The following ZP4 variants were observed in gnomAD, a reference collection of about 807,000 sequenced individuals.
ZP4 encodes the protein zona pellucida glycoprotein 4.
Under a neutral mutation model 62.3 loss-of-function variants are expected in ZP4, and 62 were observed. That is an observed-to-expected ratio of 0.99 (90% confidence interval 0.81 to 1.23). The LOEUF (loss-of-function observed/expected upper bound fraction) is 1.23. ZP4 is among the 50% of genes most tolerant of loss of function. The pLI is 0.00. For missense variants in ZP4, 774 were observed against 656.0 expected, an observed-to-expected ratio of 1.18 and a Z score of -1.97; for synonymous variants, 289 against 247.3, an observed-to-expected ratio of 1.17 and a Z score of -1.58.
At chr1:237,883,783 AAG>A (rs112797704) in intron 10 of ZP4, among the ~76,000 whole-genome samples, 1 of 122,716 alleles carries the variant, frequency 8.1e-6, no homozygotes, top group Non-Finnish European at 1.7e-5. Flanking sequence ...AAGAGAGAGG[AAG>A]AGAGAGGAAG....
Position 237,890,058 on chromosome 1 carries a change from C to G in ZP4, c.294G>C (p.Glu98Asp), listed in dbSNP as rs1367305620. ...EATYSSCYVT[E>D]WDSHYIMPVG... is the part of the protein sequence containing the mutation. ...CTGGCCATTGGGTCATACTCACCCA[C>G]TCAGTGACATAGCAGCTGCTATAGG... The change falls in exon 2 of 12, where the codon GAG becomes GAC. Residue 98 changes from glutamate (E) to aspartate (D), a missense_variant. Coordinates refer to ENST00000366570, the MANE Select transcript of ZP4 (RefSeq NM_021186.5). The G allele has an allele frequency of 6.2e-7, 1 of 1,614,182 alleles. No homozygotes were observed. Among genetic ancestry groups the G allele is most frequent in the Non-Finnish European group, 8.5e-7 (1 of 1,180,032 alleles).
intron 10 of ZP4, among the ~76,000 whole-genome samples, chr1:237,883,988 ACACACACAC>A (rs1426731175): frequency 3.5e-4 from 11 of 31,110 alleles, no homozygotes; most frequent in African/African-American, 1.1e-3. Flanking sequence ...ACACAAACAC[ACACACACAC>A]ACACACACAC....
intron 4 of ZP4, 123 bp from the exon 5 acceptor site, chr1:237,887,684 C>T: frequency 1.0e-6 from 1 of 998,930 alleles, no homozygotes; most frequent in South Asian, 1.7e-5. Context: ...TTCCCAGTGA[C>T]AACCTCAGTG....
intron 3 of ZP4, 143 bp from the exon 4 acceptor site, chr1:237,888,653 T>C: frequency 4.1e-6 from 3 of 728,964 alleles, no homozygotes; most frequent in South Asian, 6.4e-5. Context: ...TAGATAGTAT[T>C]GAGAGGTTAC....
Position 237,890,876 on chromosome 1 carries a change from G to C in ZP4, c.-241C>G. On this transcript the variant is annotated 5_prime_UTR_variant, in exon 1 of 12. Coordinates refer to ENST00000366570, the MANE Select transcript of ZP4 (RefSeq NM_021186.5). ...AATCCAGGCAGACTTCAGAGCCCAA[G>C]AAAAATGTAGTAACTTTTAGCTAAC... is the stretch of plus-strand genomic sequence containing the variant. The C allele has an allele frequency of 2.6e-6, 1 of 391,072 alleles. No individual in the cohort carries two copies. Among genetic ancestry groups the C allele is most frequent in the Non-Finnish European group, 4.5e-6 (1 of 220,682 alleles). 24.2% of individuals were successfully genotyped at this position (391,072 alleles called of 1,614,324 possible). A position where few individuals can be genotyped will look rare whatever the true frequency, so the allele number is the denominator to read the frequency against.
chr1:237,884,845 C>T lies in ZP4; in HGVS notation c.1314G>A (p.Val438=). 6.2e-7 allele frequency: 1 copy of T among 1,612,930 alleles called. No individual in the cohort carries two copies. The highest frequency in any genetic ancestry group is 8.5e-7 in the Non-Finnish European group (1 of 1,179,482). The part of the protein sequence containing the change: ...TVEKQALRGP[V]HLHCSVSVCQ... ...AGACTGACACGCTGCAGTGCAGATG[C>T]ACCTGGGAGCCAACAGAATTCAGGT... Residue 438 remains valine (V), a splice_region_variant and synonymous_variant, in exon 10 of 12, where the codon GTG becomes GTA. Transcript: ENST00000366570.
Position 237,890,547 on chromosome 1 carries a change from C to G in ZP4, c.89G>C (p.Ser30Thr), listed in dbSNP as rs1477897313. The G allele has an allele frequency of 1.2e-6, 2 of 1,613,988 alleles. No homozygotes were observed. Among genetic ancestry groups the G allele is most frequent in the South Asian group, 2.2e-5 (2 of 91,084 alleles). Residue 30 changes from serine (S) to threonine (T), a missense_variant, in exon 1 of 12, where the codon AGT (serine) becomes ACT (threonine). Transcript: ENST00000366570. ...GCTCCACGGCCCACAGTGGAGCACA[C>G]TGGAATAATCTGGTGCCTCAGGCTT... is the stretch of plus-strand genomic sequence containing the variant. ...QHKPEAPDYS[S>T]VLHCGPWSFQ...
intron 10 of ZP4, 38 bp downstream of exon 10, chr1:237,884,731 T>TTCATTCAAATCTGTCC: frequency 6.3e-7 from 1 of 1,586,558 alleles, no homozygotes. Context: ...GGACTCAAGA[T>TTCATTCAAATCTGTCC]TCATTCAAAT....
chr1:237,889,821 C>A (rs1313818862), intron 3 of ZP4, 46 bp downstream of exon 3: 1 of 1,528,012 alleles, frequency 6.5e-7, no homozygotes, highest in Admixed American at 1.7e-5. Flanking sequence ...CTTTCACACC[C>A]CACCCCCACC....
At position 237,885,518 on chromosome 1, in the gene ZP4, G is replaced by A; in HGVS notation, c.1033C>T (p.Pro345Ser). Residue 345 changes from proline (P) to serine (S), a missense_variant, in exon 8 of 12, where the codon CCC becomes TCC. Coordinates refer to ENST00000366570, the MANE Select transcript of ZP4 (RefSeq NM_021186.5). The stretch of plus-strand genomic sequence containing the variant: ...AGGATGGAGACCTCCACGTAAATGG[G>A]ATCCCGAAGCAACTTCACCACTGGG... ...DYPVVKLLRD[P>S]IYVEVSILHR... The A allele has an allele frequency of 2.5e-6, 4 of 1,614,156 alleles. No homozygotes were observed. The highest frequency in any genetic ancestry group is 3.4e-6 in the Non-Finnish European group (4 of 1,180,034).
Position 237,882,488 on chromosome 1 carries a change from T to A in ZP4, c.1557A>T (p.Gly519=). 2 of 1,609,832 alleles carry A rather than the reference T, an allele frequency of 1.2e-6. No homozygotes were observed. Among genetic ancestry groups the A allele is most frequent in the East Asian group, 4.5e-5 (2 of 44,846 alleles). ...CAGCCAAGTAGGATACTAACAAGGC[T>A]CCAAGGATTAAGGTCCCAGAAAGGC... is the stretch of plus-strand genomic sequence containing the variant. ...VAGLSGTLIL[G]ALLVSYLAVK... is the part of the protein sequence containing the mutation. Residue 519 remains glycine (G), a synonymous_variant, in exon 12 of 12, where the codon GGA becomes GGT. Transcript: ENST00000366570.
At chr1:237,884,083 AACAC>A (rs1403028643) in intron 10 of ZP4, among the ~76,000 whole-genome samples, 4 of 149,990 alleles carry the variant, frequency 2.7e-5, no homozygotes, top group Non-Finnish European at 1.5e-5. Context: ...AACACACACA[AACAC>A]ACACAAACAG....
At chr1:237,889,837 C>T in intron 3 of ZP4, 30 bp downstream of exon 3, 1 of 1,573,444 alleles carries the variant, frequency 6.4e-7, no homozygotes, top group Non-Finnish European at 8.7e-7. Flanking sequence ...CCACCACCCC[C>T]ACAAGACCCT....
chr1:237,883,292 A>G (rs1394124623), intron 10 of ZP4, among the ~76,000 whole-genome samples: 1 of 152,042 alleles, frequency 6.6e-6, no homozygotes, highest in Non-Finnish European at 1.5e-5. Context: ...TGTTTTATTA[A>G]GAAAGATGGC....
intron 7 of ZP4, 23 bp downstream of exon 7, chr1:237,885,733 T>A (rs774076195): frequency 6.2e-7 from 1 of 1,613,356 alleles, no homozygotes; most frequent in South Asian, 1.1e-5. Flanking sequence ...ATAGGCCAGA[T>A]ACTCCAGCCA....
At chr1:237,883,967 AACACACACAC>A (rs201363836) in intron 10 of ZP4, among the ~76,000 whole-genome samples, 3 of 86,528 alleles carry the variant, frequency 3.5e-5, no homozygotes, top group South Asian at 4.6e-4. Flanking sequence ...CACACACACA[AACACACACAC>A]ACACAAACAC....
intron 7 of ZP4, 30 bp downstream of exon 7, chr1:237,885,726 G>C: frequency 6.2e-7 from 1 of 1,612,754 alleles, no homozygotes; most frequent in Non-Finnish European, 8.5e-7. Flanking sequence ...TTAGACTATA[G>C]GCCAGATACT....
At chr1:237,887,144 G>A (rs545941905) in intron 5 of ZP4, among the ~76,000 whole-genome samples, 6 of 152,214 alleles carry the variant, frequency 3.9e-5, no homozygotes, top group South Asian at 4.2e-4. Context: ...TCTATAGCAC[G>A]GTAAATGACA....
chr1:237,884,007 C>CACAAACACACACAA (rs1553350842), intron 10 of ZP4, among the ~76,000 whole-genome samples: 1 of 92,604 alleles, frequency 1.1e-5, no homozygotes, highest in Non-Finnish European at 2.2e-5. Context: ...CACACACACA[C>CACAAACACACACAA]ACACACACAA....
Sources: gnomAD v4.1 joint callset for allele counts (sites outside exome capture counted in the v4.1 genomes callset) on GRCh38, gnomAD v4.1.1 for gene constraint, MANE v1.5 for transcripts, NCBI Gene and HGNC (gene_info 2026-07-23, HGNC 2026-07-21) for gene names.